NBEA: variants seen among roughly 807,000 people sequenced by gnomAD.
NBEA encodes the protein lysosomal-trafficking regulator 2.
Under a neutral mutation model 343.4 loss-of-function variants are expected in NBEA, and 44 were observed. That is an observed-to-expected ratio of 0.13 (90% CI 0.10 to 0.16). NBEA has a LOEUF of 0.16. Among genes scored for constraint, NBEA ranks in the 10% least tolerant of loss-of-function variants. The probability of loss-of-function intolerance (pLI) is 1.00; values close to 1 mark genes in which losing one functional copy is unlikely to be tolerated. For missense variants in NBEA, 2,555 were observed against 3,631.3 expected (o/e 0.70, Z 7.62); for synonymous variants, 1,175 against 1,238.7 (o/e 0.95, Z 1.08).
intron 16 of NBEA, among the ~76,000 whole-genome samples, chr13:35,118,980 A>G (rs1289472788): frequency 3.3e-5 from 5 of 152,114 alleles, no homozygotes; most frequent in Non-Finnish European, 7.4e-5. Flanking sequence ...GAGTTGAAGG[A>G]CAAACTGATG....
intron 10 of NBEA, among the ~76,000 whole-genome samples, chr13:35,076,643 G>A (rs1156551317): frequency 6.6e-6 from 1 of 151,892 alleles, no homozygotes; most frequent in African/African-American, 2.4e-5. Flanking sequence ...CTCTCTTGCT[G>A]TGGAAAAAAG....
rs377733929 is a variant in NBEA, at chr13:35,432,368, A to G, written c.6279A>G (p.Ala2093=). 4.4e-6 allele frequency: 7 copies of G among 1,608,210 alleles called. No individual in the cohort carries two copies. In the African/African-American group the frequency reaches 6.7e-5, roughly 15 times the overall value. Residue 2093 remains alanine (A), a synonymous_variant, in exon 39 of 59, where the codon GCA becomes GCG. Transcript: ENST00000379939. ...RNAFGSTHAE[A]LLKAAIEYGT... ...CATTTGGCTCCACTCATGCTGAAGC[A>G]TTGCTGAAAGCTGCAATAGAATATG... is the stretch of plus-strand genomic sequence containing the variant.
At chr13:35,030,007 A>AT (rs2062149179) in intron 1 of NBEA, among the ~76,000 whole-genome samples, 1 of 151,744 alleles carries the variant, frequency 6.6e-6, no homozygotes, top group African/African-American at 2.4e-5. Flanking sequence ...AACTGTGCAA[A>AT]TAGAGTATCA....
chr13:35,160,164 C>A, intron 22 of NBEA, 132 bp downstream of exon 22: 1 of 827,800 alleles, frequency 1.2e-6, no homozygotes, highest in Non-Finnish European at 1.8e-6. Flanking sequence ...ATTTATGGAA[C>A]TAAATAGTGC....
intron 1 of NBEA, among the ~76,000 whole-genome samples, chr13:35,037,688 G>GTCTC (rs947838465): frequency 6.6e-6 from 1 of 152,090 alleles, no homozygotes; most frequent in Non-Finnish European, 1.5e-5. Flanking sequence ...AGCACACAGA[G>GTCTC]TCTCTCTCTC....
chr13:35,465,823 G>GTT (rs35032851), intron 40 of NBEA, among the ~76,000 whole-genome samples: 83 of 146,252 alleles, frequency 5.7e-4, no homozygotes, highest in East Asian at 1.8e-3. Context: ...AAATGCAGCA[G>GTT]TTTTTTTTTT....
At chr13:35,024,330 A>C (rs1462731628) in intron 1 of NBEA, among the ~76,000 whole-genome samples, 1 of 152,100 alleles carries the variant, frequency 6.6e-6, no homozygotes, top group African/African-American at 2.4e-5. Flanking sequence ...TGGTAAAACA[A>C]TTTTTATTCC....
intron 1 of NBEA, among the ~76,000 whole-genome samples, chr13:35,008,988 CTTACA>C (rs1268982749): frequency 2.6e-5 from 4 of 152,154 alleles, no homozygotes; most frequent in Non-Finnish European, 5.9e-5. Flanking sequence ...AAAGTCTGGG[CTTACA>C]TCTCTGGGTT....
intron 18 of NBEA, among the ~76,000 whole-genome samples, chr13:35,151,218 G>C (rs769565038): frequency 2.9e-4 from 44 of 151,348 alleles, no homozygotes; most frequent in Non-Finnish European, 6.0e-4. Flanking sequence ...TTTTAAGTTT[G>C]ATAAGATGCT....
At chr13:35,246,677 CAA>C (rs2031249426) in intron 34 of NBEA, among the ~76,000 whole-genome samples, 2 of 152,154 alleles carry the variant, frequency 1.3e-5, no homozygotes, top group African/African-American at 4.8e-5. Context: ...GCACCTGCTC[CAA>C]TGAAGGTGGC....
At chr13:35,637,509 A>G (rs543895805) in intron 49 of NBEA, among the ~76,000 whole-genome samples, 1 of 152,310 alleles carries the variant, frequency 6.6e-6, no homozygotes, top group South Asian at 2.1e-4. Flanking sequence ...ACCTATGTCC[A>G]CAGGAGCACT....
chr13:35,399,889 G>A (rs892239900), intron 38 of NBEA, among the ~76,000 whole-genome samples: 5 of 151,946 alleles, frequency 3.3e-5, no homozygotes, highest in Non-Finnish European at 7.4e-5. Flanking sequence ...TGTGTCTCAG[G>A]GAATAGGGAA....
chr13:35,582,974 T>G (rs532840958), intron 45 of NBEA, among the ~76,000 whole-genome samples: 3 of 152,322 alleles, frequency 2.0e-5, no homozygotes, highest in South Asian at 4.1e-4. Flanking sequence ...TGAAATAAAG[T>G]AGACATTGTA....
chr13:35,267,608 A>G (rs1249610475), intron 34 of NBEA, among the ~76,000 whole-genome samples: 1 of 151,910 alleles, frequency 6.6e-6, no homozygotes, highest in East Asian at 1.9e-4. Flanking sequence ...CTTTTATCTA[A>G]TAAGGGATTT....
At chr13:35,022,651 A>G (rs1327926393) in intron 1 of NBEA, among the ~76,000 whole-genome samples, 3 of 152,070 alleles carry the variant, frequency 2.0e-5, no homozygotes, top group Non-Finnish European at 4.4e-5. Context: ...AGATAAATAT[A>G]TATGTCTTGG....
intron 41 of NBEA, among the ~76,000 whole-genome samples, chr13:35,538,129 G>A (rs996125442): frequency 4.6e-5 from 7 of 152,190 alleles, no homozygotes; most frequent in African/African-American, 7.2e-5. Context: ...ATCCCTTGTC[G>A]CAAATGCTTG....
At chr13:34,991,566 A>T (rs1226048097) in intron 1 of NBEA, among the ~76,000 whole-genome samples, 1 of 152,154 alleles carries the variant, frequency 6.6e-6, no homozygotes, top group African/African-American at 2.4e-5. Context: ...ACCTCCCACC[A>T]GGCCCCTCCT....
intron 10 of NBEA, among the ~76,000 whole-genome samples, chr13:35,076,026 A>C (rs190469887): frequency 1.3e-5 from 2 of 152,084 alleles, no homozygotes; most frequent in East Asian, 3.9e-4. Context: ...ATTGTTTTTA[A>C]TAGGGAAAAT....
chr13:35,459,005 G>GCCCC (rs559844063), intron 40 of NBEA, among the ~76,000 whole-genome samples: 1 of 100,496 alleles, frequency 1.0e-5, no homozygotes, highest in Non-Finnish European at 1.9e-5. Flanking sequence ...CTTTACCACC[G>GCCCC]CCCCCCCCCC....
Sources: gnomAD v4.1 joint callset for allele counts (sites outside exome capture counted in the v4.1 genomes callset) on GRCh38, gnomAD v4.1.1 for gene constraint, MANE v1.5 for transcripts, NCBI Gene and HGNC (gene_info 2026-07-23, HGNC 2026-07-21) for gene names.